PIEZO2: variants seen among roughly 807,000 people sequenced by gnomAD.
PIEZO2 encodes piezo type mechanosensitive ion channel component 2.
In PIEZO2, 172 loss-of-function variants were observed where a neutral mutation model predicts 337.3. The ratio of observed to expected loss-of-function variants is 0.51; its 90% CI spans 0.45 to 0.58. The LOEUF (loss-of-function observed/expected upper bound fraction) is 0.58, where lower values mean the gene tolerates loss of function less well. PIEZO2 is among the 20% of genes least tolerant of loss of function. The pLI is 0.00. For synonymous variants in PIEZO2, 1,251 were observed against 1,228.5 expected (o/e 1.02, Z -0.38); for missense variants, 3,028 against 3,391.3 (o/e 0.89, Z 2.66).
rs762729542 is a variant in PIEZO2, at chr18:10,736,664, C to G, written c.4755G>C (p.Glu1585Asp). Reference sequence around the variant, plus strand: ...CCTTCTTTAATTCTTCCTCTTCCTCCTCTTCACTATCCGTTTCAAACAAAT... The same window carrying G: ...CCTTCTTTAATTCTTCCTCTTCCTCGTCTTCACTATCCGTTTCAAACAAAT... Reference protein sequence around the residue: ...DYYLFETDSEEEEEEELKKED... With the variant: ...DYYLFETDSEDEEEEELKKED... Residue 1585 changes from glutamate to aspartate, a missense_variant, in exon 34 of 56, where the codon GAG becomes GAC. By Grantham distance (45) the Glu-to-Asp change is conservative (BLOSUM62 2). Around this residue, in one of 5 missense-constraint regions of PIEZO2, gnomAD observed 1,925 missense variants for 2,051.9 expected, o/e 0.94. Transcript: ENST00000674853. 2.5e-5 allele frequency: 39 copies of G among 1,536,900 alleles called. No homozygotes were observed. The highest frequency in any genetic ancestry group is 1.7e-4 in the Middle Eastern group (1 of 6,012).
At chr18:11,133,573 C>T (rs1472046887) in intron 1 of PIEZO2, among the ~76,000 whole-genome samples, 3 of 152,018 alleles carry the variant, frequency 2.0e-5, no homozygotes, top group African/African-American at 7.3e-5. Context: ...TAATCAGCTG[C>T]CAGTGAATAT....
intron 3 of PIEZO2, among the ~76,000 whole-genome samples, chr18:10,965,373 T>A (rs1357523432): frequency 4.6e-5 from 7 of 152,214 alleles, no homozygotes; most frequent in African/African-American, 1.7e-4. Context: ...CATTGCAGTT[T>A]GGATTTGTAC....
chr18:11,108,292 G>A (rs2039628070), intron 1 of PIEZO2, among the ~76,000 whole-genome samples: 1 of 152,102 alleles, frequency 6.6e-6, no homozygotes, highest in African/African-American at 2.4e-5. Flanking sequence ...CAGCTGACTA[G>A]GAAAAGCTGT....
In PIEZO2 at chr18:10,730,789, C is replaced by A. The variant is rs184569781; in HGVS notation, c.5029+618G>T. 1.7e-4 allele frequency among the ~76,000 whole-genome samples: 26 copies of A among 152,208 alleles called. No individual in the cohort carries two copies. In the East Asian group the frequency reaches 4.6e-3, roughly 27 times the overall value. On this transcript the variant is annotated intron_variant, in intron 36 of 55. Transcript: ENST00000674853. ...TCGCCCAGGCTGGAGTGCAGTGGTGCGATCTTGGCTCACTGCAAGCTCCGC... is the reference window on the plus strand; with the variant it reads ...TCGCCCAGGCTGGAGTGCAGTGGTGAGATCTTGGCTCACTGCAAGCTCCGC...
At chr18:11,037,587 T>C (rs561235949) in intron 2 of PIEZO2, among the ~76,000 whole-genome samples, 1 of 152,272 alleles carries the variant, frequency 6.6e-6, no homozygotes, top group East Asian at 1.9e-4. Context: ...AGAGAGAGAT[T>C]ATTATGGATT....
intron 7 of PIEZO2, among the ~76,000 whole-genome samples, chr18:10,810,158 G>A (rs1167769590): frequency 6.6e-6 from 1 of 152,128 alleles, no homozygotes; most frequent in East Asian, 1.9e-4. Flanking sequence ...GTTGATGGGT[G>A]GGGTGAGGAC....
chr18:11,029,724 C>T (rs1046361625), intron 2 of PIEZO2, among the ~76,000 whole-genome samples: 2 of 152,162 alleles, frequency 1.3e-5, no homozygotes, highest in African/African-American at 2.4e-5. Flanking sequence ...ACCATCCTCT[C>T]TGCCTTGAGG....
chr18:10,898,549 C>A (rs1334997655), intron 4 of PIEZO2, among the ~76,000 whole-genome samples: 3 of 152,040 alleles, frequency 2.0e-5, no homozygotes, highest in Admixed American at 2.0e-4. Flanking sequence ...TGGGGGACGT[C>A]CTGAATATTA....
rs1180341232 is a variant in PIEZO2, at chr18:10,713,175, T to C, written c.5423+1589A>G. Among the ~76,000 whole-genome samples the C allele has an allele frequency of 1.3e-5, 2 of 152,158 alleles. No individual in the cohort carries two copies. ...ACATCTTATTTTAAAACTTGGATTT[T>C]TACTAAATATATGTATATATTTTAC... On this transcript the variant is annotated intron_variant, in intron 39 of 55. Transcript: ENST00000674853. The surrounding 1 kb of genome is among the most constrained non-coding windows in gnomAD (Gnocchi z 4.5).
At chr18:10,687,887 A>G (rs1026619438) in intron 49 of PIEZO2, among the ~76,000 whole-genome samples, 2 of 152,240 alleles carry the variant, frequency 1.3e-5, no homozygotes, top group African/African-American at 4.8e-5. Context: ...TAGCAGCCAC[A>G]GGACTGACTC....
At chr18:10,725,061 G>T in intron 36 of PIEZO2, 2 of 1,543,296 alleles carry the variant, frequency 1.3e-6, no homozygotes, top group South Asian at 2.2e-5. Flanking sequence ...CAACCAACGT[G>T]GACCGTGAGG....
chr18:10,848,884 C>T (rs1160079693), intron 7 of PIEZO2, among the ~76,000 whole-genome samples: 1 of 152,190 alleles, frequency 6.6e-6, no homozygotes, highest in Non-Finnish European at 1.5e-5. Flanking sequence ...ATTTCAGCCT[C>T]CTGCCATCCC....
In PIEZO2 at chr18:11,046,413, C is replaced by T. The variant is rs368766724; in HGVS notation, c.160+19714G>A. ...ATCCTTGATCATGGCCTTCTAATAA[C>T]CTGGCTGTTGAATGAGCCGGGGGAT... On this transcript the variant is annotated intron_variant, in intron 2 of 55. Coordinates refer to ENST00000674853, the MANE Select transcript of PIEZO2 (RefSeq NM_001378183.1). Among the ~76,000 whole-genome samples, 3 of 152,222 alleles carry T rather than the reference C, an allele frequency of 2.0e-5. No homozygotes were observed. In the East Asian group the frequency reaches 5.8e-4, roughly 29 times the overall value.
rs1313198353 is a variant in PIEZO2, at chr18:10,762,564, G to A, written c.3185C>T (p.Ala1062Val). Residue 1062 changes from alanine to valine, a missense_variant, in exon 23 of 56, where the codon GCT becomes GTT. Transcript: ENST00000674853. ...GACCCACTCTGTAGGATCGATAGGAGCGCTGTAGAGCAGAGACTTGTTCAA... is the reference window on the plus strand; with the variant it reads ...GACCCACTCTGTAGGATCGATAGGAACGCTGTAGAGCAGAGACTTGTTCAA... ...NELNKSLLYS[A>V]PIDPTEWVGL... The A allele has an allele frequency of 2.0e-6, 3 of 1,537,418 alleles. No individual in the cohort carries two copies. The East Asian group carries it at 7.3e-5, about 38-fold the overall frequency.
At chr18:10,807,798 A>C (rs556560100) in intron 7 of PIEZO2, among the ~76,000 whole-genome samples, 2 of 152,282 alleles carry the variant, frequency 1.3e-5, no homozygotes, top group East Asian at 3.9e-4. Context: ...AATTTCTGTA[A>C]GATATATTTC....
chr18:10,726,886 A>G lies in PIEZO2; in HGVS notation c.5029+4521T>C. 1 of 1,596,532 alleles carries G rather than the reference A, an allele frequency of 6.3e-7. No homozygotes were observed. Among genetic ancestry groups the G allele is most frequent in the Middle Eastern group, 1.7e-4 (1 of 6,006 alleles). On this transcript the variant is annotated intron_variant, in intron 36 of 55. Coordinates refer to ENST00000674853, the MANE Select transcript of PIEZO2 (RefSeq NM_001378183.1). The surrounding 1 kb of genome is among the most constrained non-coding windows in gnomAD (Gnocchi z 5.9). ...CTACCGGCAGCAGCTGAAGCACATC[A>G]TGGCCACCAACCGGCTGGATGTGGC...
At chr18:10,742,391 T>C (rs2037260018) in intron 32 of PIEZO2, 103 bp downstream of exon 32, 1 of 1,315,886 alleles carries the variant, frequency 7.6e-7, no homozygotes, top group South Asian at 1.4e-5. Context: ...AGTGTATCGA[T>C]AATCTTGGCA....
At position 10,704,627 on chromosome 18, in the gene PIEZO2, C is replaced by T. The variant is rs1209014020; in HGVS notation, c.6025G>A (p.Glu2009Lys). The T allele has an allele frequency of 3.9e-6, 6 of 1,536,974 alleles. No individual in the cohort carries two copies. The highest frequency in any genetic ancestry group is 5.2e-6 in the Non-Finnish European group (6 of 1,146,640). Residue 2009 changes from glutamate to lysine, a missense_variant, in exon 42 of 56, where the codon GAG becomes AAG. Transcript: ENST00000674853. ...TGCCCCACGTAGAATTTCTCTGACT[C>T]TTCAAGCTCATCGTCGTGAAACATC... ...KKMFHDDELE[E>K]SEKFYVGQPR...
At chr18:10,782,846 A>G (rs1412512993) in intron 17 of PIEZO2, among the ~76,000 whole-genome samples, 4 of 152,278 alleles carry the variant, frequency 2.6e-5, no homozygotes, top group Admixed American at 2.0e-4. Context: ...AAACACTGCT[A>G]TACACGCTTA....
Sources: gnomAD v4.1 joint callset for allele counts (sites outside exome capture counted in the v4.1 genomes callset) on GRCh38, gnomAD v4.1.1 for gene constraint, gnomAD v4.1.1 regional missense constraint, Gnocchi (gnomAD v3.1) non-coding constraint, MANE v1.5 for transcripts, NCBI Gene and HGNC (gene_info 2026-07-23, HGNC 2026-07-21) for gene names.